The following CNTNAP3B variants were observed in gnomAD, a reference collection of about 807,000 sequenced individuals.
CNTNAP3B encodes the protein contactin associated protein family member 3B, also known as contactin-associated protein-like 3B.
A neutral mutation model predicts 108.9 loss-of-function variants in CNTNAP3B; 25 were observed. The ratio of observed to expected loss-of-function variants is 0.23; its 90% CI spans 0.17 to 0.32. The LOEUF (loss-of-function observed/expected upper bound fraction) is 0.32. Among genes scored for constraint, CNTNAP3B ranks in the 10% least tolerant of loss-of-function variants. The pLI, the probability that CNTNAP3B is intolerant of heterozygous loss-of-function variation, is 1.00. For missense variants in CNTNAP3B, 252 were observed against 1,210.4 expected (o/e 0.21, Z 11.75); for synonymous variants, 103 against 473.4 (o/e 0.22, Z 10.16).
chr9:41,923,620 G>A (rs1328750294), intron 16 of CNTNAP3B, among the ~76,000 whole-genome samples: 7 of 152,396 alleles, frequency 4.6e-5, no homozygotes, highest in Admixed American at 4.6e-4. Context: ...AAATTAGCTG[G>A]GCATGGTGGT....
chr9:41,929,301 T>C lies in CNTNAP3B; in HGVS notation c.2365+16A>G, dbSNP rs1038305909. 2.0e-6 allele frequency: 3 copies of C among 1,501,778 alleles called. No individual in the cohort carries two copies. In the South Asian group the frequency reaches 3.8e-5, roughly 19 times the overall value. The allele number at this position is 1,501,778 out of a possible 1,614,324, so 93.0% of individuals were successfully genotyped here. A position where few individuals can be genotyped will look rare whatever the true frequency, so the allele number is the denominator to read the frequency against. Reference sequence around the variant, plus strand: ...AAGTTATTATGAAAATAAAGCTTTTTCTTGACACTACTTACTATCTCCGCG... The same window carrying C: ...AAGTTATTATGAAAATAAAGCTTTTCCTTGACACTACTTACTATCTCCGCG... On this transcript the variant is annotated intron_variant, in intron 15 of 23. Coordinates refer to ENST00000377561, the MANE Select transcript of CNTNAP3B (RefSeq NM_001201380.3).
intron 3 of CNTNAP3B, among the ~76,000 whole-genome samples, chr9:42,029,292 T>C (rs1826470646): frequency 8.0e-6 from 1 of 125,098 alleles, no homozygotes; most frequent in Admixed American, 8.1e-5. Flanking sequence ...TTTTAATATG[T>C]CAGTTTGTGT....
At chr9:41,936,241 C>T (rs1456550835) in intron 14 of CNTNAP3B, among the ~76,000 whole-genome samples, 2 of 152,150 alleles carry the variant, frequency 1.3e-5, no homozygotes, top group East Asian at 1.9e-4. Context: ...CGCACCACTG[C>T]ATTCCAGCCT....
intron 2 of CNTNAP3B, among the ~76,000 whole-genome samples, chr9:42,103,233 C>A (rs1218454964): frequency 6.9e-6 from 1 of 144,452 alleles, no homozygotes; most frequent in Non-Finnish European, 1.5e-5. Context: ...GAAACAGAGC[C>A]CATATCTCTG....
intron 3 of CNTNAP3B, among the ~76,000 whole-genome samples, chr9:42,070,864 T>C (rs929950765): frequency 2.6e-5 from 4 of 151,924 alleles, no homozygotes; most frequent in African/African-American, 7.3e-5. Context: ...CTAATGCACT[T>C]TGTCCACTGC....
chr9:42,036,023 G>T lies in CNTNAP3B; in HGVS notation c.391-22498C>A, dbSNP rs1260050266. Among the ~76,000 whole-genome samples the T allele has an allele frequency of 3.4e-5, 5 of 147,280 alleles. No homozygotes were observed. The South Asian group carries it at 6.5e-4, about 19-fold the overall frequency. On this transcript the variant is annotated intron_variant, in intron 3 of 23. Coordinates refer to ENST00000377561, the MANE Select transcript of CNTNAP3B (RefSeq NM_001201380.3). The stretch of plus-strand genomic sequence containing the variant: ...CTCGGGAGGCTGAGGCAGGAGAATC[G>T]CTTGAACCTGGGAGGCAGAGGTTGC...
intron 3 of CNTNAP3B, among the ~76,000 whole-genome samples, chr9:42,026,813 T>A (rs1350599608): frequency 7.3e-6 from 1 of 137,068 alleles, no homozygotes; most frequent in Non-Finnish European, 1.5e-5. Context: ...ACTCCAAATT[T>A]GTAGTAAGGT....
At chr9:41,948,074 T>G (rs1317455410) in intron 13 of CNTNAP3B, among the ~76,000 whole-genome samples, 35 of 151,810 alleles carry the variant, frequency 2.3e-4, no homozygotes, top group African/African-American at 7.7e-4. Context: ...ATTGGAGAAT[T>G]CTTTTTGTTT....
chr9:41,962,185 A>C (rs1309258752), intron 11 of CNTNAP3B, among the ~76,000 whole-genome samples: 2 of 152,062 alleles, frequency 1.3e-5, no homozygotes, highest in Admixed American at 6.6e-5. Context: ...ACAATTAATA[A>C]TTATATACAA....
At position 41,979,090 on chromosome 9, in the gene CNTNAP3B, T is replaced by C. The variant is rs1587170715; in HGVS notation, c.1477+7078A>G. 2.9e-5 allele frequency among the ~76,000 whole-genome samples: 4 copies of C among 136,956 alleles called. 1 individual carries two copies. Among genetic ancestry groups the C allele is most frequent in the African/African-American group, 1.2e-4 (4 of 34,110 alleles). The allele number at this position is 136,956 out of a possible 152,430, so 89.8% of individuals were successfully genotyped here. ...CCCTGGCCTTGCAGGTGTAACAGTC[T>C]AGGCCTCTGTCTTCCTGAGGCGTTG... On this transcript the variant is annotated intron_variant, in intron 9 of 23. Transcript: ENST00000377561.
chr9:42,033,285 C>A (rs1197600048), intron 3 of CNTNAP3B, among the ~76,000 whole-genome samples: 8 of 150,072 alleles, frequency 5.3e-5, no homozygotes, highest in Non-Finnish European at 1.2e-4. Flanking sequence ...AAAATCTCAT[C>A]CATCTTTGAG....
intron 14 of CNTNAP3B, among the ~76,000 whole-genome samples, chr9:41,937,580 A>G (rs1824197258): frequency 1.3e-5 from 2 of 152,394 alleles, no homozygotes; most frequent in South Asian, 4.1e-4. Flanking sequence ...AACCTCAAAA[A>G]GAACTTCTGA....
At chr9:41,955,867 A>G (rs550247371) in intron 12 of CNTNAP3B, among the ~76,000 whole-genome samples, 1 of 152,382 alleles carries the variant, frequency 6.6e-6, no homozygotes, top group South Asian at 2.1e-4. Context: ...TCCTCAATTT[A>G]TGATGAAGTT....
chr9:41,995,847 C>A (rs1171819439), intron 7 of CNTNAP3B, among the ~76,000 whole-genome samples: 2 of 140,172 alleles, frequency 1.4e-5, no homozygotes, highest in East Asian at 2.2e-4. Context: ...ACTAGCCTGG[C>A]CAACATGGCG....
intron 8 of CNTNAP3B, among the ~76,000 whole-genome samples, chr9:41,988,238 ATTTTTTTTTTT>A (rs1209677991): frequency 4.6e-4 from 12 of 25,886 alleles, no homozygotes; most frequent in East Asian, 1.0e-3. Flanking sequence ...CCTTCTTTGA[ATTTTTTTTTTT>A]TTTTTTTTTT....
At chr9:42,127,963 A>G (rs1190981565) in intron 1 of CNTNAP3B, among the ~76,000 whole-genome samples, 7 of 139,740 alleles carry the variant, frequency 5.0e-5, no homozygotes, top group Admixed American at 1.4e-4. Context: ...CATGGCCACT[A>G]GCATTTATTG....
chr9:42,030,997 C>G (rs1456921658), intron 3 of CNTNAP3B, among the ~76,000 whole-genome samples: 1 of 104,946 alleles, frequency 9.5e-6, no homozygotes, highest in Non-Finnish European at 2.0e-5. Flanking sequence ...TTTTGCTAGA[C>G]ATCTCTAGCA....
At chr9:41,954,728 G>A (rs1824803011) in intron 12 of CNTNAP3B, among the ~76,000 whole-genome samples, 1 of 152,212 alleles carries the variant, frequency 6.6e-6, no homozygotes, top group Non-Finnish European at 1.5e-5. Flanking sequence ...CTGTTGCCCA[G>A]GCTGGAGTGC....
rs1828208543 is a variant in CNTNAP3B, at chr9:42,112,333, A to T, written c.86-7594T>A. 1.4e-5 allele frequency among the ~76,000 whole-genome samples: 2 copies of T among 139,372 alleles called. 1 individual carries two copies. Among genetic ancestry groups the T allele is most frequent in the South Asian group, 4.7e-4 (2 of 4,294 alleles). The allele number at this position is 139,372 out of a possible 152,430, so 91.4% of individuals were successfully genotyped here. A position where few individuals can be genotyped will look rare whatever the true frequency, so the allele number is the denominator to read the frequency against. ...ACTGAGGTCTGTCTCATGGAAAATG[A>T]ATTACACCTCTGGAGAAGGAGCAGC... On this transcript the variant is annotated intron_variant, in intron 1 of 23. Transcript: ENST00000377561.
Sources: allele counts gnomAD v4.1 joint callset (sites outside exome capture counted in the v4.1 genomes callset), GRCh38; gene constraint gnomAD v4.1.1; transcripts MANE v1.5; gene names NCBI Gene and HGNC (gene_info 2026-07-23, HGNC 2026-07-21).